Variants in ARID1B observed in about 807,000 individuals in gnomAD.
The protein encoded by ARID1B is AT-rich interaction domain 1B, also known as AT-rich interactive domain-containing protein 1B.
Under a neutral mutation model 212.3 loss-of-function variants are expected in ARID1B, and 30 were observed. That is an observed-to-expected ratio of 0.14 (90% confidence interval 0.11 to 0.19). ARID1B has a LOEUF of 0.19. Among genes scored for constraint, ARID1B ranks in the 10% least tolerant of loss-of-function variants. The pLI, the probability that ARID1B is intolerant of heterozygous loss-of-function variation, is 1.00. For synonymous variants in ARID1B, 1,402 were observed against 1,301.7 expected (o/e 1.08, Z -1.66); for missense variants, 2,891 against 3,204.0 (o/e 0.90, Z 2.36).
chr6:157,011,977 A>G (rs992454948), intron 4 of ARID1B, among the ~76,000 whole-genome samples: 2 of 152,258 alleles, frequency 1.3e-5, no homozygotes, highest in African/African-American at 2.4e-5. Context: ...CAGCTCATCT[A>G]TAAAGAAATA....
intron 4 of ARID1B, chr6:156,939,692 G>T (rs1792522605): frequency 6.6e-6 from 1 of 151,970 alleles, no homozygotes; most frequent in Admixed American, 6.6e-5. Context: ...TCGCCAGGTG[G>T]GTGTTATTCT....
chr6:156,950,337 A>G (rs1185976447), intron 4 of ARID1B, among the ~76,000 whole-genome samples: 1 of 152,248 alleles, frequency 6.6e-6, no homozygotes, highest in African/African-American at 2.4e-5. Context: ...ACCAGCCATG[A>G]AGGATAACAC....
rs2128394372 is a variant in ARID1B, at chr6:157,206,800, G to A, written c.6028G>A (p.Ala2010Thr). The A allele has an allele frequency of 6.2e-7, 1 of 1,613,934 alleles. No homozygotes were observed. The highest frequency in any genetic ancestry group is 8.5e-7 in the Non-Finnish European group (1 of 1,180,040). The change falls in exon 20 of 20, where the codon GCA becomes ACA. Residue 2010 changes from alanine (A) to threonine (T), a missense_variant. Around this residue, in one of 7 missense-constraint regions of ARID1B, gnomAD observed 332 missense variants for 369.2 expected, o/e 0.90. Transcript: ENST00000636930. This position sits in a 1 kb window ranked among gnomAD's most constrained non-coding sequence, Gnocchi z 6.8. ...IDDVLSARPG[A>T]LPEDANPGPQ... is the part of the protein sequence containing the mutation. ...TGACGTCCTCTCTGCTCGGCCAGGG[G>A]CATTGCCTGAAGACGCAAACCCTGG...
At chr6:157,154,900 T>TTTTTG (rs112112944) in intron 8 of ARID1B, among the ~76,000 whole-genome samples, 5,928 of 151,880 alleles carry the variant, frequency 0.039, 205 homozygotes, top group African/African-American at 0.085. Flanking sequence ...TCTTTCTACT[T>TTTTTG]TTTTGTTTTG....
intron 3 of ARID1B, chr6:156,901,810 G>T: frequency 2.2e-6 from 1 of 455,056 alleles, no homozygotes; most frequent in Non-Finnish European, 3.9e-6. Flanking sequence ...TTTGTGTTCT[G>T]AACCTTTCAA....
intron 9 of ARID1B, chr6:157,167,735 T>C (rs1791434715): frequency 6.5e-6 from 1 of 152,782 alleles, no homozygotes; most frequent in Admixed American, 6.5e-5. Context: ...TTTTATAATC[T>C]CCACAGTAGC....
At chr6:157,075,546 G>A (rs567437571) in intron 4 of ARID1B, among the ~76,000 whole-genome samples, 3 of 152,312 alleles carry the variant, frequency 2.0e-5, no homozygotes, top group African/African-American at 7.2e-5. Context: ...CCTCCCATGA[G>A]TGTGGGCTGG....
chr6:156,864,803 A>G (rs1785568879), intron 2 of ARID1B, among the ~76,000 whole-genome samples: 1 of 152,098 alleles, frequency 6.6e-6, no homozygotes, highest in African/African-American at 2.4e-5. Context: ...CCTAGTGTAG[A>G]CTTGCCGGAA....
chr6:156,797,121 A>G (rs1780437278), intron 1 of ARID1B, among the ~76,000 whole-genome samples: 1 of 152,244 alleles, frequency 6.6e-6, no homozygotes, highest in South Asian at 2.1e-4. Context: ...GCTGCCGTCT[A>G]CTCAGTTGCT....
intron 6 of ARID1B, among the ~76,000 whole-genome samples, chr6:157,121,788 C>T (rs1309443254): frequency 4.6e-5 from 7 of 151,990 alleles, no homozygotes; most frequent in African/African-American, 1.2e-4. Flanking sequence ...CATGTCACCA[C>T]GCCCGGCTAA....
chr6:157,202,725 TTA>T (rs886464712), intron 18 of ARID1B, among the ~76,000 whole-genome samples: 41 of 148,872 alleles, frequency 2.8e-4, no homozygotes, highest in South Asian at 1.3e-3. Flanking sequence ...CTATATCCCT[TTA>T]TATATATATA....
intron 16 of ARID1B, among the ~76,000 whole-genome samples, chr6:157,197,993 A>G (rs1793846891): frequency 6.6e-6 from 1 of 152,232 alleles, no homozygotes; most frequent in Non-Finnish European, 1.5e-5. Flanking sequence ...TTCCTTGATC[A>G]GCTTAGGAAT....
chr6:157,179,692 G>C (rs901638904), intron 11 of ARID1B, among the ~76,000 whole-genome samples: 1 of 152,102 alleles, frequency 6.6e-6, no homozygotes, highest in Non-Finnish European at 1.5e-5. Context: ...GAAGCTGAAG[G>C]CTTAAAATCT....
chr6:156,958,253 C>CTTT (rs1294190657), intron 4 of ARID1B, among the ~76,000 whole-genome samples: 2 of 152,150 alleles, frequency 1.3e-5, no homozygotes, highest in African/African-American at 4.8e-5. Context: ...AGCTTTTTCA[C>CTTT]TTTTAAACAG....
At chr6:157,043,236 A>G (rs561715133) in intron 4 of ARID1B, among the ~76,000 whole-genome samples, 1 of 152,218 alleles carries the variant, frequency 6.6e-6, no homozygotes, top group South Asian at 2.1e-4. Flanking sequence ...CCTCCAGCCT[A>G]GTCTCCACCT....
chr6:156,789,555 T>G (rs1208332259), intron 1 of ARID1B, among the ~76,000 whole-genome samples: 1 of 152,178 alleles, frequency 6.6e-6, no homozygotes, highest in Admixed American at 6.5e-5. Flanking sequence ...AAAGAAGTTT[T>G]GATGTTAGAG....
At chr6:156,999,747 A>G (rs1253983128) in intron 4 of ARID1B, among the ~76,000 whole-genome samples, 3 of 152,204 alleles carry the variant, frequency 2.0e-5, no homozygotes, top group African/African-American at 7.2e-5. Flanking sequence ...ACTTTGAGGC[A>G]CTAGGAACAC....
chr6:157,108,187 T>G (rs1786628945), intron 5 of ARID1B, among the ~76,000 whole-genome samples: 1 of 152,218 alleles, frequency 6.6e-6, no homozygotes, highest in African/African-American at 2.4e-5. Context: ...AGAATGAATT[T>G]GGTATGTGAA....
chr6:156,831,065 T>C (rs1783107254), intron 2 of ARID1B, among the ~76,000 whole-genome samples: 2 of 152,124 alleles, frequency 1.3e-5, no homozygotes, highest in Admixed American at 1.3e-4. Context: ...CTGCCTAGAG[T>C]AGAAATCTTT....
Sources: gnomAD v4.1 joint callset for allele counts (sites outside exome capture counted in the v4.1 genomes callset) on GRCh38, gnomAD v4.1.1 for gene constraint, gnomAD v4.1.1 regional missense constraint, Gnocchi (gnomAD v3.1) non-coding constraint, MANE v1.5 for transcripts, NCBI Gene and HGNC (gene_info 2026-07-23, HGNC 2026-07-21) for gene names.